The following SNAPC2 variants were observed in gnomAD, a reference collection of about 807,000 sequenced individuals.
The protein encoded by SNAPC2 is snRNA-activating protein complex subunit 2.
A neutral mutation model predicts 22.9 loss-of-function variants in SNAPC2; 27 were observed. The ratio of observed to expected loss-of-function variants is 1.18; its 90% confidence interval spans 0.87 to 1.63. The LOEUF is 1.63. Ranked by LOEUF, SNAPC2 falls within the 40% of genes most tolerant of loss-of-function variation. The probability of loss-of-function intolerance (pLI) is 0.00; values close to 1 mark genes in which losing one functional copy is unlikely to be tolerated. For synonymous variants in SNAPC2, 272 were observed against 201.0 expected (o/e 1.35, Z -2.99); for missense variants, 570 against 449.1 (o/e 1.27, Z -2.43).
chr19:7,921,340 G>A, intron 1 of SNAPC2, 83 bp from the exon 2 acceptor site: 4 of 1,601,132 alleles, frequency 2.5e-6, no homozygotes, highest in South Asian at 1.1e-5. Context: ...GGGGCCCAGA[G>A]CATACAAGGG....
In SNAPC2 at chr19:7,922,188, A is replaced by T; in HGVS notation, c.526A>T (p.Ser176Cys). The change falls in exon 4 of 5, where the codon AGC becomes TGC. Residue 176 changes from serine to cysteine, a missense_variant. Transcript: ENST00000221573. ...ACCTAGCTCTGCCCCTGCTGCACCT[A>T]GCTCCGCACCCAGGACTCCTGACCC... Reference protein sequence around the residue: ...EIPSSAPAAPSSAPRTPDPAP... With the variant: ...EIPSSAPAAPCSAPRTPDPAP... 1 of 1,613,976 alleles carries T rather than the reference A, an allele frequency of 6.2e-7. No homozygotes were observed. Among genetic ancestry groups the T allele is most frequent in the Non-Finnish European group, 8.5e-7 (1 of 1,180,004 alleles).
In SNAPC2 at chr19:7,920,447, C is replaced by G; in HGVS notation, c.81C>G (p.Arg27=). 6.4e-7 allele frequency: 1 copy of G among 1,560,030 alleles called. No homozygotes were observed. The highest frequency in any genetic ancestry group is 1.4e-5 in the African/African-American group (1 of 71,506). Residue 27 remains arginine (R), a synonymous_variant, in exon 1 of 5, where the codon CGC becomes CGG. Coordinates refer to ENST00000221573, the MANE Select transcript of SNAPC2 (RefSeq NM_003083.4). Reference sequence around the variant, plus strand: ...CCGGTCCCGCGACCTGGAGCGCTCGCGAGAAGCGGCAGCTAGTGCGACTCC... The same window carrying G: ...CCGGTCCCGCGACCTGGAGCGCTCGGGAGAAGCGGCAGCTAGTGCGACTCC... ...EVTGPATWSA[R]EKRQLVRLLQ...
Position 7,922,693 on chromosome 19 carries a change from G to A in SNAPC2, c.934G>A (p.Gly312Arg), listed in dbSNP as rs1983628570. Residue 312 changes from glycine (G) to arginine (R), a missense_variant, in exon 5 of 5, where the codon GGG becomes AGG. By Grantham distance (125) the Gly-to-Arg change is moderately radical. Transcript: ENST00000221573. ...SELKSPWQAA[G>R]ICPLNPFLVP... ...ACTGAAATCGCCTTGGCAAGCAGCTGGGATCTGTCCCCTGAACCCGTTCCT... is the reference window on the plus strand; with the variant it reads ...ACTGAAATCGCCTTGGCAAGCAGCTAGGATCTGTCCCCTGAACCCGTTCCT... 6.2e-7 allele frequency: 1 copy of A among 1,613,340 alleles called. No homozygotes were observed. The highest frequency in any genetic ancestry group is 8.5e-7 in the Non-Finnish European group (1 of 1,179,852).
In SNAPC2 at chr19:7,920,441, C is replaced by T. The variant is rs769239525; in HGVS notation, c.75C>T (p.Ser25=). Residue 25 remains serine, a synonymous_variant, in exon 1 of 5, where the codon AGC becomes AGT. Coordinates refer to ENST00000221573, the MANE Select transcript of SNAPC2 (RefSeq NM_003083.4). The part of the protein sequence containing the change: ...LGEVTGPATW[S]AREKRQLVRL... Reference sequence around the variant, plus strand: ...AGGTGACCGGTCCCGCGACCTGGAGCGCTCGCGAGAAGCGGCAGCTAGTGC... The same window carrying T: ...AGGTGACCGGTCCCGCGACCTGGAGTGCTCGCGAGAAGCGGCAGCTAGTGC... The T allele has an allele frequency of 3.2e-6, 5 of 1,566,940 alleles. No individual in the cohort carries two copies. The East Asian group carries it at 7.2e-5, about 23-fold the overall frequency.
At chr19:7,921,244 G>A in intron 1 of SNAPC2, 179 bp from the exon 2 acceptor site, 1 of 1,403,968 alleles carries the variant, frequency 7.1e-7, no homozygotes, top group South Asian at 1.4e-5. Flanking sequence ...TCCTTAGGTA[G>A]CTGGTCACGC....
In SNAPC2 at chr19:7,922,469, T is replaced by C. The variant is rs1399097267; in HGVS notation, c.710T>C (p.Leu237Pro). 1 of 1,597,222 alleles carries C rather than the reference T, an allele frequency of 6.3e-7. No individual in the cohort carries two copies. Among genetic ancestry groups the C allele is most frequent in the Non-Finnish European group, 8.6e-7 (1 of 1,169,422 alleles). ...AAESAVVLDL[L>P]MSLPEELPLL... Reference sequence around the variant, plus strand: ...GAGTCCGCTGTGGTCCTCGACCTGCTCATGTCACTTCCAGAGGAGCTGCCA... The same window carrying C: ...GAGTCCGCTGTGGTCCTCGACCTGCCCATGTCACTTCCAGAGGAGCTGCCA... The change falls in exon 5 of 5, where the codon CTC (leucine) becomes CCC (proline). Residue 237 changes from leucine (L) to proline (P), a missense_variant. By Grantham distance (98) the Leu-to-Pro change is moderately conservative. Coordinates refer to ENST00000221573, the MANE Select transcript of SNAPC2 (RefSeq NM_003083.4).
rs1599640989 is a variant in SNAPC2, at chr19:7,922,183, C to T, written c.521C>T (p.Ala174Val). 1 of 1,614,136 alleles carries T rather than the reference C, an allele frequency of 6.2e-7. No homozygotes were observed. The highest frequency in any genetic ancestry group is 8.5e-7 in the Non-Finnish European group (1 of 1,180,020). ...GAAATACCTAGCTCTGCCCCTGCTG[C>T]ACCTAGCTCCGCACCCAGGACTCCT... ...APEIPSSAPA[A>V]PSSAPRTPDP... Residue 174 changes from alanine (A) to valine (V), a missense_variant, in exon 4 of 5, where the codon GCA (alanine) becomes GTA (valine). By Grantham distance (64) the Ala-to-Val change is moderately conservative. Coordinates refer to ENST00000221573, the MANE Select transcript of SNAPC2 (RefSeq NM_003083.4).
In SNAPC2 at chr19:7,923,062, T is replaced by TG. The variant is rs1983647836; in HGVS notation, c.*304dup. The TG allele has an allele frequency of 1.3e-5, 5 of 371,600 alleles. No homozygotes were observed. The highest frequency in any genetic ancestry group is 1.2e-4 in the South Asian group (2 of 16,976). 23.0% of individuals were successfully genotyped at this position (371,600 alleles called of 1,614,324 possible). On this transcript the variant is annotated 3_prime_UTR_variant, in exon 5 of 5. Transcript: ENST00000221573. ...AGCCCCACTGTGCCTTGTTGTCTGC[T>TG]GGGGGGCCATAGCTGGCACTGCCCA... is the stretch of plus-strand genomic sequence containing the variant.
At chr19:7,921,836 A>T in intron 3 of SNAPC2, 63 bp downstream of exon 3, 20 of 1,549,676 alleles carry the variant, frequency 1.3e-5, no homozygotes, top group Non-Finnish European at 1.8e-5. Flanking sequence ...GGGCCAAATC[A>T]TGTGAACCTG....
Position 7,923,130 on chromosome 19 carries a change from G to A in SNAPC2, c.*366G>A, listed in dbSNP as rs1018073162. 5 of 226,708 alleles carry A rather than the reference G, an allele frequency of 2.2e-5. No individual in the cohort carries two copies. The highest frequency in any genetic ancestry group is 3.4e-5 in the Non-Finnish European group (4 of 116,784). 14.0% of individuals were successfully genotyped at this position (226,708 alleles called of 1,614,324 possible). ...CATTTTCCCCCTTCCTGTACACCTC[G>A]GGGCCAGCATCCTCACCTTCTTCAA... On this transcript the variant is annotated 3_prime_UTR_variant, in exon 5 of 5. Transcript: ENST00000221573.
rs780204656 is a variant in SNAPC2, at chr19:7,922,647, C to T, written c.888C>T (p.Thr296=). ...SKAPEETPPA[T]EKAEHSELKS... Reference sequence around the variant, plus strand: ...CACCAGAGGAGACCCCCCCAGCCACCGAGAAGGCCGAGCACAGCGAACTGA... The same window carrying T: ...CACCAGAGGAGACCCCCCCAGCCACTGAGAAGGCCGAGCACAGCGAACTGA... Residue 296 remains threonine, a synonymous_variant, in exon 5 of 5, where the codon ACC becomes ACT. Coordinates refer to ENST00000221573, the MANE Select transcript of SNAPC2 (RefSeq NM_003083.4). The T allele has an allele frequency of 2.1e-5, 34 of 1,613,590 alleles. No homozygotes were observed. Among genetic ancestry groups the T allele is most frequent in the South Asian group, 5.5e-5 (5 of 91,086 alleles).
rs1983636112 is a variant in SNAPC2, at chr19:7,922,845, G to C, written c.*81G>C. On this transcript the variant is annotated 3_prime_UTR_variant, in exon 5 of 5. Coordinates refer to ENST00000221573, the MANE Select transcript of SNAPC2 (RefSeq NM_003083.4). ...CTCGGCTGGCCCTGGCTCTTTCTGA[G>C]GATCCCGTCATGGGGGAAGGTCCTT... 2.3e-5 allele frequency: 26 copies of C among 1,151,160 alleles called. No homozygotes were observed. The South Asian group carries it at 3.5e-4, about 15-fold the overall frequency. 71.3% of individuals were successfully genotyped at this position (1,151,160 alleles called of 1,614,324 possible).
Position 7,922,227 on chromosome 19 carries a change from C to T in SNAPC2, c.565C>T (p.Pro189Ser), listed in dbSNP as rs774615332. Residue 189 changes from proline (P) to serine (S), a missense_variant, in exon 4 of 5, where the codon CCT becomes TCT. Physicochemically the swap from Pro to Ser is moderately conservative, Grantham distance 74. Transcript: ENST00000221573. ...GACTCCTGACCCTGCCCCTGAGAAA[C>T]CTTCTGAGTCGTCGGCTGGTCCCTC... ...PRTPDPAPEK[P>S]SESSAGPSTE... 3.7e-5 allele frequency: 59 copies of T among 1,613,990 alleles called. No individual in the cohort carries two copies. Among genetic ancestry groups the T allele is most frequent in the Non-Finnish European group, 4.7e-5 (56 of 1,180,026 alleles).
rs201040469 is a variant in SNAPC2, at chr19:7,922,086, C to G, written c.424C>G (p.Pro142Ala). 2.0e-5 allele frequency: 32 copies of G among 1,613,878 alleles called. No individual in the cohort carries two copies. In the East Asian group the frequency reaches 6.9e-4, roughly 35 times the overall value. ...EPVTLLHSKP[P>A]KPTQARGKPL... is the part of the protein sequence containing the mutation. ...GGTCACCCTCCTGCACTCCAAGCCC[C>G]CCAAGCCCACGCAGGCCCGTGGAAA... is the stretch of plus-strand genomic sequence containing the variant. The change falls in exon 4 of 5, where the codon CCC becomes GCC. Residue 142 changes from proline to alanine, a missense_variant. Coordinates refer to ENST00000221573, the MANE Select transcript of SNAPC2 (RefSeq NM_003083.4).
In SNAPC2 at chr19:7,922,690, G is replaced by A. The variant is rs1983628476; in HGVS notation, c.931G>A (p.Ala311Thr). 9 of 1,613,426 alleles carry A rather than the reference G, an allele frequency of 5.6e-6. No homozygotes were observed. Among genetic ancestry groups the A allele is most frequent in the Non-Finnish European group, 7.6e-6 (9 of 1,179,874 alleles). Residue 311 changes from alanine to threonine, a missense_variant, in exon 5 of 5, where the codon GCT (alanine) becomes ACT (threonine). Coordinates refer to ENST00000221573, the MANE Select transcript of SNAPC2 (RefSeq NM_003083.4). ...CGAACTGAAATCGCCTTGGCAAGCA[G>A]CTGGGATCTGTCCCCTGAACCCGTT... ...HSELKSPWQAAGICPLNPFLV... is the reference protein window; with the variant it reads ...HSELKSPWQATGICPLNPFLV...
rs776230454 is a variant in SNAPC2, at chr19:7,920,389, G to A, written c.23G>A (p.Arg8Gln). The change falls in exon 1 of 5, where the codon CGA (arginine) becomes CAA (glutamine). Residue 8 changes from arginine (R) to glutamine (Q), a missense_variant. Arg to Gln is a conservative substitution (Grantham distance 43). Coordinates refer to ENST00000221573, the MANE Select transcript of SNAPC2 (RefSeq NM_003083.4). MKPPPRR[R>Q]AAPARYLGEV... ...GGCATGAAGCCACCTCCCAGGCGGC[G>A]AGCGGCCCCGGCGCGCTATCTGGGC... 5.1e-6 allele frequency: 8 copies of A among 1,579,770 alleles called. No homozygotes were observed. In the African/African-American group the frequency reaches 5.6e-5, roughly 11 times the overall value.
chr19:7,921,569 G>A, intron 2 of SNAPC2, 27 bp downstream of exon 2: 1 of 1,606,110 alleles, frequency 6.2e-7, no homozygotes, highest in Non-Finnish European at 8.5e-7. Flanking sequence ...GGGTGAGGCT[G>A]TCCAGGGCAG....
In SNAPC2 at chr19:7,921,779, G is replaced by C. The variant is rs375557441; in HGVS notation, c.372+6G>C. ...TGGCAGTGGCTTTCTCGCAGGTACCGCCATTCCCCCAGGCAGGTCAGGGTG... is the reference window on the plus strand; with the variant it reads ...TGGCAGTGGCTTTCTCGCAGGTACCCCCATTCCCCCAGGCAGGTCAGGGTG... On this transcript the variant is annotated splice_donor_region_variant and intron_variant, in intron 3 of 4. Coordinates refer to ENST00000221573, the MANE Select transcript of SNAPC2 (RefSeq NM_003083.4). The C allele has an allele frequency of 6.2e-7, 1 of 1,611,254 alleles. No individual in the cohort carries two copies. Among genetic ancestry groups the C allele is most frequent in the Non-Finnish European group, 8.5e-7 (1 of 1,178,402 alleles).
intron 3 of SNAPC2, 29 bp downstream of exon 3, chr19:7,921,802 G>A: frequency 6.2e-7 from 1 of 1,605,020 alleles, no homozygotes; most frequent in South Asian, 1.1e-5. Flanking sequence ...GCAGGTCAGG[G>A]TGTCCCAGAG....
Sources: gnomAD v4.1 joint callset for allele counts on GRCh38, gnomAD v4.1.1 for gene constraint, MANE v1.5 for transcripts, NCBI Gene and HGNC (gene_info 2026-07-23, HGNC 2026-07-21) for gene names.